TMTC1: variants seen among roughly 807,000 people sequenced by gnomAD.
TMTC1 encodes protein O-mannosyl-transferase TMTC1.
Under a neutral mutation model 104.8 loss-of-function variants are expected in TMTC1, and 73 were observed. That is an observed-to-expected ratio of 0.70 (90% CI 0.58 to 0.85). The LOEUF (loss-of-function observed/expected upper bound fraction) is 0.85, where lower values mean the gene tolerates loss of function less well. Ranked by LOEUF, TMTC1 falls within the 40% of genes least tolerant of loss-of-function variation. TMTC1 has a pLI of 0.00. For missense variants in TMTC1, 1,035 were observed against 1,096.1 expected (o/e 0.94, Z 0.79); for synonymous variants, 434 against 428.7 (o/e 1.01, Z -0.15).
chr12:29,583,715 T>C lies in TMTC1; in HGVS notation c.1251-141A>G, dbSNP rs113572340. The C allele has an allele frequency of 1.2e-3, 821 of 704,180 alleles. 5 individuals carry two copies. In the African/African-American group the frequency reaches 0.012, roughly 10 times the overall value. 43.6% of individuals were successfully genotyped at this position (704,180 alleles called of 1,614,324 possible). On this transcript the variant is annotated intron_variant, in intron 7 of 17. Transcript: ENST00000539277. ...ATAGAAACTCCCCTGCCTTGGACAA[T>C]ATTAACATGTTAGTTCTCTAAAGTG...
rs1186370628 is a variant in TMTC1, at chr12:29,783,035, C to T, written c.302+415G>A. Reference sequence around the variant, plus strand: ...CTCATCTGCAAAGCTGCCCAACAGCCTCCGAGAAATTCTCTACTTGGAAGC... The same window carrying T: ...CTCATCTGCAAAGCTGCCCAACAGCTTCCGAGAAATTCTCTACTTGGAAGC... On this transcript the variant is annotated intron_variant, in intron 1 of 17. Coordinates refer to ENST00000539277, the MANE Select transcript of TMTC1 (RefSeq NM_001193451.2). This position sits in a 1 kb window ranked among gnomAD's most constrained non-coding sequence, Gnocchi z 4.7. 1 of 175,938 alleles carries T rather than the reference C, an allele frequency of 5.7e-6. No homozygotes were observed. Among genetic ancestry groups the T allele is most frequent in the African/African-American group, 2.3e-5 (1 of 42,570 alleles). 10.9% of individuals were successfully genotyped at this position (175,938 alleles called of 1,614,324 possible).
At position 29,551,781 on chromosome 12, in the gene TMTC1, TTTC is replaced by T. The variant is rs1945111422; in HGVS notation, c.1676+5073_1676+5075del. 2.1e-5 allele frequency among the ~76,000 whole-genome samples: 3 copies of T among 142,688 alleles called. No homozygotes were observed. The South Asian group carries it at 6.5e-4, about 31-fold the overall frequency. 93.6% of individuals were successfully genotyped at this position (142,688 alleles called of 152,430 possible). ...GTTCATGCTAATCTTGCCTATTTTCTTTCTTCTTTTTTTTTTTTTTTTGACATT... is the reference window on the plus strand; with the variant it reads ...GTTCATGCTAATCTTGCCTATTTTCTTTCTTTTTTTTTTTTTTTTGACATT... On this transcript the variant is annotated intron_variant, in intron 10 of 17. Coordinates refer to ENST00000539277, the MANE Select transcript of TMTC1 (RefSeq NM_001193451.2).
Position 29,622,967 on chromosome 12 carries a change from T to C in TMTC1, c.1128+10180A>G, listed in dbSNP as rs1277634807. 5.3e-5 allele frequency among the ~76,000 whole-genome samples: 8 copies of C among 152,218 alleles called. No individual in the cohort carries two copies. In the East Asian group the frequency reaches 1.5e-3, roughly 29 times the overall value. On this transcript the variant is annotated intron_variant, in intron 6 of 17. Transcript: ENST00000539277. ...AATCTCTAAATTCATTGTGTGGTTATTTCTAGAGAAAGGAGCATTTAGATT... is the reference window on the plus strand; with the variant it reads ...AATCTCTAAATTCATTGTGTGGTTACTTCTAGAGAAAGGAGCATTTAGATT...
At chr12:29,774,648 A>C (rs1459333182) in intron 1 of TMTC1, among the ~76,000 whole-genome samples, 2 of 152,154 alleles carry the variant, frequency 1.3e-5, no homozygotes, top group Non-Finnish European at 2.9e-5. Flanking sequence ...AAATGCTTAT[A>C]AGAGGTTTCC....
At chr12:29,782,249 A>G (rs182120784) in intron 1 of TMTC1, among the ~76,000 whole-genome samples, 3 of 152,378 alleles carry the variant, frequency 2.0e-5, no homozygotes, top group Admixed American at 6.5e-5. Flanking sequence ...TCAAATATGT[A>G]ATTTTCTCAC....
At chr12:29,694,343 CT>C (rs1189324691) in intron 5 of TMTC1, among the ~76,000 whole-genome samples, 1 of 152,100 alleles carries the variant, frequency 6.6e-6, no homozygotes, top group Non-Finnish European at 1.5e-5. Flanking sequence ...CCAGGACCCC[CT>C]GGGGATATCA....
chr12:29,552,385 G>T (rs1945129078), intron 10 of TMTC1, among the ~76,000 whole-genome samples: 1 of 151,978 alleles, frequency 6.6e-6, no homozygotes, highest in Non-Finnish European at 1.5e-5. Context: ...ATACATTAGG[G>T]TTAAATAAAT....
At chr12:29,516,824 A>T (rs1448348517) in intron 14 of TMTC1, among the ~76,000 whole-genome samples, 1 of 152,222 alleles carries the variant, frequency 6.6e-6, no homozygotes, top group East Asian at 1.9e-4. Flanking sequence ...CAAGATAACA[A>T]ATTTGATTTA....
chr12:29,617,925 T>C (rs996295525), intron 6 of TMTC1, among the ~76,000 whole-genome samples: 1 of 152,178 alleles, frequency 6.6e-6, no homozygotes, highest in African/African-American at 2.4e-5. Flanking sequence ...AAGAAGGGCA[T>C]GATCTGACTT....
rs377435614 is a variant in TMTC1, at chr12:29,720,078, C to CGACCATGAA, written c.938+31579_938+31587dup. Among the ~76,000 whole-genome samples the CGACCATGAA allele has an allele frequency of 7.2e-5, 11 of 152,268 alleles. 1 individual carries two copies. The highest frequency in any genetic ancestry group is 2.4e-4 in the African/African-American group (10 of 41,544). On this transcript the variant is annotated intron_variant, in intron 5 of 17. Coordinates refer to ENST00000539277, the MANE Select transcript of TMTC1 (RefSeq NM_001193451.2). Reference sequence around the variant, plus strand: ...AAAAATGGATCTGCTGGTGCTCTCTCGACCATGAATTCTGAGGTGGCAGAA... The same window carrying CGACCATGAA: ...AAAAATGGATCTGCTGGTGCTCTCTCGACCATGAAGACCATGAATTCTGAGGTGGCAGAA...
intron 5 of TMTC1, among the ~76,000 whole-genome samples, chr12:29,686,526 C>A (rs1941099091): frequency 6.6e-6 from 1 of 152,186 alleles, no homozygotes; most frequent in Non-Finnish European, 1.5e-5. Context: ...TATGACATTA[C>A]TGTAGATGGA....
intron 5 of TMTC1, among the ~76,000 whole-genome samples, chr12:29,650,851 T>A (rs1470302154): frequency 2.6e-5 from 4 of 152,160 alleles, no homozygotes; most frequent in Non-Finnish European, 5.9e-5. Flanking sequence ...AGGACTCTTG[T>A]TGATATGTGA....
intron 5 of TMTC1, among the ~76,000 whole-genome samples, chr12:29,680,698 G>A (rs919173924): frequency 1.3e-5 from 2 of 152,092 alleles, no homozygotes; most frequent in African/African-American, 2.4e-5. Context: ...CTTGTAATTG[G>A]GTATGTCTCT....
chr12:29,643,696 T>C (rs371699117), intron 5 of TMTC1, among the ~76,000 whole-genome samples: 1 of 36,262 alleles, frequency 2.8e-5, no homozygotes, highest in African/African-American at 1.2e-4. Flanking sequence ...ATATATTATA[T>C]ATATTATATA....
chr12:29,767,000 A>T (rs931137247), intron 2 of TMTC1, among the ~76,000 whole-genome samples: 3 of 150,678 alleles, frequency 2.0e-5, no homozygotes, highest in African/African-American at 4.9e-5. Context: ...CCCAGGCTGG[A>T]GTACAATGGT....
intron 6 of TMTC1, among the ~76,000 whole-genome samples, chr12:29,608,373 A>G (rs1012296368): frequency 1.3e-5 from 2 of 152,234 alleles, no homozygotes; most frequent in African/African-American, 4.8e-5. Context: ...GTATTTTCCA[A>G]AGTACACATG....
intron 7 of TMTC1, among the ~76,000 whole-genome samples, chr12:29,599,273 G>T (rs1386713863): frequency 3.3e-5 from 5 of 152,186 alleles, no homozygotes; most frequent in Non-Finnish European, 7.4e-5. Context: ...TTCTATAAAA[G>T]AATGATTTCA....
intron 5 of TMTC1, among the ~76,000 whole-genome samples, chr12:29,724,737 A>G (rs922423): frequency 1 from 152,057 of 152,228 alleles, 75,943 homozygotes; most frequent in Middle Eastern, 1. Flanking sequence ...ATAAAGTAAG[A>G]GAAAAATAAA....
At chr12:29,515,753 C>CTTTTT (rs59185698) in intron 15 of TMTC1, among the ~76,000 whole-genome samples, 1 of 138,442 alleles carries the variant, frequency 7.2e-6, no homozygotes, top group Non-Finnish European at 1.5e-5. Context: ...AGGGCAGTGA[C>CTTTTT]TTTTTTTTTT....
Sources: gnomAD v4.1 joint callset for allele counts (sites outside exome capture counted in the v4.1 genomes callset) on GRCh38, gnomAD v4.1.1 for gene constraint, Gnocchi (gnomAD v3.1) non-coding constraint, MANE v1.5 for transcripts, NCBI Gene and HGNC (gene_info 2026-07-23, HGNC 2026-07-21) for gene names.